The following TENM2 variants were observed in gnomAD, a reference collection of about 807,000 sequenced individuals.
TENM2 encodes teneurin transmembrane protein 2, also known as teneurin-2.
TENM2 carries 52 observed loss-of-function variants against 245.2 expected under a neutral mutation model. That is an observed-to-expected ratio of 0.21 (90% CI 0.17 to 0.27). The LOEUF (loss-of-function observed/expected upper bound fraction) is 0.27. Among genes scored for constraint, TENM2 ranks in the 10% least tolerant of loss-of-function variants. TENM2 has a pLI of 1.00. For missense variants in TENM2, 3,046 were observed against 3,666.8 expected (o/e 0.83, Z 4.37); for synonymous variants, 1,363 against 1,438.9 (o/e 0.95, Z 1.19).
chr5:167,574,283 G>A lies in TENM2; in HGVS notation c.502+198810G>A, dbSNP rs116522155. On this transcript the variant is annotated intron_variant, in intron 2 of 28. Transcript: ENST00000518659. ...ATTTAAGGAGAGAGATGAGAAAGAT[G>A]ATTTTGATCAGAATAGCACTTTGCA... 5.4e-3 allele frequency among the ~76,000 whole-genome samples: 823 copies of A among 152,268 alleles called. 6 individuals are homozygous for A. Among genetic ancestry groups the A allele is most frequent in the African/African-American group, 0.019 (784 of 41,538 alleles).
At chr5:167,794,359 G>A (rs1765180708) in intron 2 of TENM2, among the ~76,000 whole-genome samples, 1 of 152,180 alleles carries the variant, frequency 6.6e-6, no homozygotes, top group Admixed American at 6.5e-5. Context: ...TTTTGGTCCT[G>A]GCAGCTTAGG....
At chr5:168,221,800 A>C (rs1763693451) in intron 23 of TENM2, among the ~76,000 whole-genome samples, 1 of 152,152 alleles carries the variant, frequency 6.6e-6, no homozygotes, top group African/African-American at 2.4e-5. Flanking sequence ...AAAAGGCAGC[A>C]TCTTATACCA....
chr5:167,431,812 CTA>C (rs1764236559), intron 2 of TENM2, among the ~76,000 whole-genome samples: 2 of 150,992 alleles, frequency 1.3e-5, no homozygotes, highest in Admixed American at 6.6e-5. Context: ...ATTTTCATGA[CTA>C]TGTCATATGA....
intron 2 of TENM2, among the ~76,000 whole-genome samples, chr5:167,792,825 A>G (rs947816847): frequency 5.9e-5 from 9 of 152,038 alleles, no homozygotes; most frequent in Non-Finnish European, 1.0e-4. Flanking sequence ...AGCATGTGCA[A>G]TGTTATGAAA....
At chr5:167,151,043 C>T in the TENM2 span, among the ~76,000 whole-genome samples, 1 of 152,196 alleles carries the variant, frequency 6.6e-6, no homozygotes, top group Non-Finnish European at 1.5e-5. Flanking sequence ...TTTCAAGCCT[C>T]TCCTGGCTTT....
intron 2 of TENM2, among the ~76,000 whole-genome samples, chr5:167,582,688 C>G (rs1480989563): frequency 6.6e-6 from 1 of 152,152 alleles, no homozygotes; most frequent in Non-Finnish European, 1.5e-5. Flanking sequence ...CGAACCTTTA[C>G]AGAAACCAAG....
chr5:167,845,468 C>G (rs1343058307), intron 2 of TENM2, among the ~76,000 whole-genome samples: 1 of 152,174 alleles, frequency 6.6e-6, no homozygotes, highest in Non-Finnish European at 1.5e-5. Flanking sequence ...TTCCTACTGT[C>G]TAAGAGGAAG....
the TENM2 span, among the ~76,000 whole-genome samples, chr5:167,061,523 A>G: frequency 1.3e-5 from 2 of 152,200 alleles, no homozygotes; most frequent in Non-Finnish European, 2.9e-5. Flanking sequence ...AAACATTACT[A>G]AATATTTCCT....
At chr5:167,091,786 A>C in the TENM2 span, among the ~76,000 whole-genome samples, 1 of 152,192 alleles carries the variant, frequency 6.6e-6, no homozygotes, top group Non-Finnish European at 1.5e-5. Flanking sequence ...AATATAATGA[A>C]AGTAGAAAGA....
At chr5:168,119,355 A>T (rs1077047) in intron 10 of TENM2, among the ~76,000 whole-genome samples, 1 of 152,094 alleles carries the variant, frequency 6.6e-6, no homozygotes, top group Non-Finnish European at 1.5e-5. Flanking sequence ...ATACAGGAAC[A>T]GGGAGAAAGA....
chr5:167,780,419 C>T (rs1253020711), intron 2 of TENM2, among the ~76,000 whole-genome samples: 1 of 152,224 alleles, frequency 6.6e-6, no homozygotes, highest in East Asian at 1.9e-4. Flanking sequence ...TGTGTCAGCT[C>T]TCATATCGTA....
intron 2 of TENM2, among the ~76,000 whole-genome samples, chr5:167,735,178 T>A (rs1157033307): frequency 6.6e-6 from 1 of 152,226 alleles, no homozygotes; most frequent in Non-Finnish European, 1.5e-5. Flanking sequence ...ACATCCAGTG[T>A]CTGAAAATCG....
chr5:167,898,032 CT>C (rs1394350725), intron 3 of TENM2, among the ~76,000 whole-genome samples: 1 of 151,968 alleles, frequency 6.6e-6, no homozygotes, highest in Non-Finnish European at 1.5e-5. Flanking sequence ...TGACTTCCCC[CT>C]ACCTCCTGCT....
At chr5:167,822,480 G>T (rs1767612714) in intron 2 of TENM2, among the ~76,000 whole-genome samples, 2 of 152,168 alleles carry the variant, frequency 1.3e-5, no homozygotes, top group Non-Finnish European at 2.9e-5. Flanking sequence ...CTTGGGCGCA[G>T]AGTCACAGCT....
chr5:167,675,308 C>T (rs1014865521), intron 2 of TENM2, among the ~76,000 whole-genome samples: 3 of 152,134 alleles, frequency 2.0e-5, no homozygotes, highest in Middle Eastern at 3.4e-3. Flanking sequence ...ATGTAGAATT[C>T]GATAGTAAAT....
At chr5:167,803,546 G>T (rs1369009477) in intron 2 of TENM2, among the ~76,000 whole-genome samples, 1 of 152,016 alleles carries the variant, frequency 6.6e-6, no homozygotes, top group Non-Finnish European at 1.5e-5. Context: ...AACCTGTAGG[G>T]CTCCTGTGGA....
intron 9 of TENM2, among the ~76,000 whole-genome samples, chr5:168,100,211 A>T (rs1793695274): frequency 6.6e-6 from 1 of 152,176 alleles, no homozygotes; most frequent in African/African-American, 2.4e-5. Flanking sequence ...TAGAATGGTG[A>T]TCATTAAAAA....
intron 2 of TENM2, among the ~76,000 whole-genome samples, chr5:167,513,900 G>A (rs191371715): frequency 3.0e-4 from 45 of 152,274 alleles, no homozygotes; most frequent in Middle Eastern, 3.4e-3. Flanking sequence ...GGGTCTCACC[G>A]TGGTCAGATC....
rs571534788 is a variant in TENM2, at chr5:167,493,025, T to G, written c.502+117552T>G. On this transcript the variant is annotated intron_variant, in intron 2 of 28. Coordinates refer to ENST00000518659, the Ensembl canonical transcript of TENM2. The stretch of plus-strand genomic sequence containing the variant: ...GAGTTTGAGCATGGATTAGGTAAGG[T>G]AATTGTTAGGAACCCTTCCTGCTGT... Among the ~76,000 whole-genome samples, 9 of 152,180 alleles carry G rather than the reference T, an allele frequency of 5.9e-5. No homozygotes were observed. The South Asian group carries it at 1.9e-3, about 32-fold the overall frequency.
Sources: allele counts gnomAD v4.1 joint callset (sites outside exome capture counted in the v4.1 genomes callset), GRCh38; gene constraint gnomAD v4.1.1; transcripts MANE v1.5; gene names NCBI Gene and HGNC (gene_info 2026-07-23, HGNC 2026-07-21).